The following PCDHGA2 variants were observed in gnomAD, a reference collection of about 807,000 sequenced individuals.
The protein encoded by PCDHGA2 is protocadherin gamma-A2.
In PCDHGA2, 40 loss-of-function variants were observed where a neutral mutation model predicts 59.2. That is an observed-to-expected ratio of 0.68 (90% CI 0.52 to 0.88). The LOEUF is 0.88. Ranked by LOEUF, PCDHGA2 falls within the 40% of genes least tolerant of loss-of-function variation. PCDHGA2 has a pLI of 0.00. For synonymous variants in PCDHGA2, 560 were observed against 526.0 expected (o/e 1.06, Z -0.89); for missense variants, 1,226 against 1,204.0 (o/e 1.02, Z -0.27).
In PCDHGA2 at chr5:141,431,253, ACT is replaced by A. The variant is rs757246289; in HGVS notation, c.2425-63549_2425-63548del. On this transcript the variant is annotated intron_variant, in intron 1 of 3. Coordinates refer to ENST00000394576, the MANE Select transcript of PCDHGA2 (RefSeq NM_018915.4). This position sits in a 1 kb window ranked among gnomAD's most constrained non-coding sequence, Gnocchi z 4.8. ...GCCTGGGATCCGGATATCGGGAAGA[ACT>A]CTCTGCAGAGCTACGAGCTCAGCCC... 2.2e-5 allele frequency: 35 copies of A among 1,614,014 alleles called. No individual in the cohort carries two copies. In the South Asian group the frequency reaches 3.1e-4, roughly 14 times the overall value.
intron 1 of PCDHGA2, among the ~76,000 whole-genome samples, chr5:141,459,534 T>G (rs980917458): frequency 1.3e-5 from 2 of 151,990 alleles, no homozygotes; most frequent in African/African-American, 2.4e-5. Flanking sequence ...TGTAGGCATA[T>G]TTTTTTTATT....
At chr5:141,443,872 A>C (rs1446612063) in intron 1 of PCDHGA2, among the ~76,000 whole-genome samples, 4 of 152,212 alleles carry the variant, frequency 2.6e-5, no homozygotes, top group African/African-American at 9.7e-5. Flanking sequence ...AAAATTACTG[A>C]TAAGTCAAGA....
chr5:141,408,404 G>C lies in PCDHGA2; in HGVS notation c.2424+67009G>C, dbSNP rs372659902. ...GGATGTGTCGGCTCGCAAGCTGCGAGTGAGCGCGGAGAAGCTGCACTTCAG... is the reference window on the plus strand; with the variant it reads ...GGATGTGTCGGCTCGCAAGCTGCGACTGAGCGCGGAGAAGCTGCACTTCAG... On this transcript the variant is annotated intron_variant, in intron 1 of 3. Transcript: ENST00000394576. 6.2e-4 allele frequency: 1,002 copies of C among 1,614,072 alleles called. 1 individual carries two copies. The highest frequency in any genetic ancestry group is 8.3e-4 in the Non-Finnish European group (980 of 1,179,896).
chr5:141,355,880 G>A, intron 1 of PCDHGA2: 1 of 1,613,290 alleles, frequency 6.2e-7, no homozygotes, highest in South Asian at 1.1e-5. Flanking sequence ...GGCACTGCCA[G>A]GATTCTCATA....
intron 1 of PCDHGA2, chr5:141,426,414 G>A (rs2096934345): frequency 3.5e-6 from 1 of 287,986 alleles, no homozygotes; most frequent in Admixed American, 4.4e-5. Context: ...AAACGGTCCA[G>A]GGCTCCGTGG....
Position 141,490,911 on chromosome 5 carries a change from G to C in PCDHGA2, c.2425-3896G>C. On this transcript the variant is annotated intron_variant, in intron 1 of 3. Coordinates refer to ENST00000394576, the MANE Select transcript of PCDHGA2 (RefSeq NM_018915.4). The surrounding 1 kb of genome is among the most constrained non-coding windows in gnomAD (Gnocchi z 5.4). ...CTCTGCATGTGTTTGTCCTAGACGA[G>C]AATGATAATGCCCCAGCTGTGCTGC... is the stretch of plus-strand genomic sequence containing the variant. The C allele has an allele frequency of 6.2e-7, 1 of 1,613,722 alleles. No homozygotes were observed. Among genetic ancestry groups the C allele is most frequent in the East Asian group, 2.2e-5 (1 of 44,870 alleles).
rs117064561 is a variant in PCDHGA2, at chr5:141,470,737, G to T, written c.2425-24070G>T. Among the ~76,000 whole-genome samples the T allele has an allele frequency of 1.9e-3, 295 of 152,132 alleles. 7 individuals carry two copies. In the East Asian group the frequency reaches 0.046, roughly 24 times the overall value. On this transcript the variant is annotated intron_variant, in intron 1 of 3. Coordinates refer to ENST00000394576, the MANE Select transcript of PCDHGA2 (RefSeq NM_018915.4). ...TTTTGAGTCAGGGTCTTGCTCTGTC[G>T]CCCTGGCTGGAGTGCAGTGGACTCA...
At chr5:141,401,566 C>G (rs2094168998) in intron 1 of PCDHGA2, among the ~76,000 whole-genome samples, 1 of 152,312 alleles carries the variant, frequency 6.6e-6, no homozygotes, top group African/African-American at 2.4e-5. Context: ...CTGAATTTCT[C>G]TTGCTCGGAA....
chr5:141,403,984 A>C, intron 1 of PCDHGA2: 1 of 1,613,892 alleles, frequency 6.2e-7, no homozygotes, highest in South Asian at 1.1e-5. Flanking sequence ...ATGACAATAG[A>C]CCTGAAGTGA....
At chr5:141,438,018 G>A (rs959672278) in intron 1 of PCDHGA2, among the ~76,000 whole-genome samples, 1 of 152,082 alleles carries the variant, frequency 6.6e-6, no homozygotes, top group African/African-American at 2.4e-5. Context: ...TGAGATTACA[G>A]GTGTGAGCCA....
Position 141,491,622 on chromosome 5 carries a change from C to T in PCDHGA2, c.2425-3185C>T, listed in dbSNP as rs980546113. 15 of 1,613,786 alleles carry T rather than the reference C, an allele frequency of 9.3e-6. No individual in the cohort carries two copies. Among genetic ancestry groups the T allele is most frequent in the Non-Finnish European group, 1.3e-5 (15 of 1,180,002 alleles). Reference sequence around the variant, plus strand: ...ACTTCACTTTTCTAAGACCCCTCAGCGTTCAGCAGCCCACAGCTCTGGCGC... The same window carrying T: ...ACTTCACTTTTCTAAGACCCCTCAGTGTTCAGCAGCCCACAGCTCTGGCGC... On this transcript the variant is annotated intron_variant, in intron 1 of 3. Transcript: ENST00000394576. This position sits in a 1 kb window ranked among gnomAD's most constrained non-coding sequence, Gnocchi z 6.9.
intron 1 of PCDHGA2, chr5:141,346,322 G>T (rs1244479416): frequency 6.2e-7 from 1 of 1,614,062 alleles, no homozygotes; most frequent in Non-Finnish European, 8.5e-7. Flanking sequence ...CTGCGGACTC[G>T]CGGAAGAGCC....
chr5:141,482,546 A>C (rs1489817593), intron 1 of PCDHGA2, among the ~76,000 whole-genome samples: 1 of 151,868 alleles, frequency 6.6e-6, no homozygotes, highest in African/African-American at 2.4e-5. Context: ...AAAAAAAAAA[A>C]AAAGATAATG....
In PCDHGA2 at chr5:141,345,852, C is replaced by T. The variant is rs778125915; in HGVS notation, c.2424+4457C>T. ...GGGCCAGAACGCCTGGCTGTCCTACCGCCTGCTCAAGGCCAGCGAGCCGGG... is the reference window on the plus strand; with the variant it reads ...GGGCCAGAACGCCTGGCTGTCCTACTGCCTGCTCAAGGCCAGCGAGCCGGG... On this transcript the variant is annotated intron_variant, in intron 1 of 3. Transcript: ENST00000394576. 47 of 1,613,350 alleles carry T rather than the reference C, an allele frequency of 2.9e-5. 2 individuals are homozygous for T. Among genetic ancestry groups the T allele is most frequent in the South Asian group, 6.6e-5 (6 of 91,036 alleles).
chr5:141,475,167 G>T (rs529813171), intron 1 of PCDHGA2, among the ~76,000 whole-genome samples: 1 of 152,160 alleles, frequency 6.6e-6, no homozygotes, highest in Admixed American at 6.5e-5. Flanking sequence ...CATTAGCAGT[G>T]CAACTTCTTG....
chr5:141,495,918 T>C (rs2099764622), intron 2 of PCDHGA2, among the ~76,000 whole-genome samples: 1 of 152,184 alleles, frequency 6.6e-6, no homozygotes, highest in African/African-American at 2.4e-5. Flanking sequence ...ATATCTTTCT[T>C]TGTCTCTGTC....
chr5:141,345,917 G>A (rs1253423961), intron 1 of PCDHGA2: 9 of 1,613,326 alleles, frequency 5.6e-6, no homozygotes, highest in Non-Finnish European at 7.6e-6. Context: ...AGGTGCGCAC[G>A]GCGCGAGCCC....
At chr5:141,422,171 T>C (rs1204753893) in intron 1 of PCDHGA2, 4 of 1,564,922 alleles carry the variant, frequency 2.6e-6, no homozygotes, top group Non-Finnish European at 3.4e-6. Context: ...AAATATAGAT[T>C]CTATGAGATG....
At chr5:141,382,896 G>C (rs754850386) in intron 1 of PCDHGA2, 13 of 1,537,678 alleles carry the variant, frequency 8.5e-6, no homozygotes, top group Non-Finnish European at 1.1e-5. Context: ...GAAGCAGGAC[G>C]ACTATGGCGG....
Sources: allele counts gnomAD v4.1 joint callset (sites outside exome capture counted in the v4.1 genomes callset), GRCh38; gene constraint gnomAD v4.1.1; non-coding constraint Gnocchi (gnomAD v3.1); transcripts MANE v1.5; gene names NCBI Gene and HGNC (gene_info 2026-07-23, HGNC 2026-07-21).